The following PRKN variants were observed in gnomAD, a reference collection of about 807,000 sequenced individuals.
The protein encoded by PRKN is parkin RBR E3 ubiquitin protein ligase, also known as E3 ubiquitin-protein ligase parkin.
PRKN carries 56 observed loss-of-function variants against 59.5 expected under a neutral mutation model. The ratio of observed to expected loss-of-function variants is 0.94; its 90% CI spans 0.76 to 1.18. The LOEUF (loss-of-function observed/expected upper bound fraction) is 1.18. Ranked by LOEUF, PRKN falls within the 50% of genes most tolerant of loss-of-function variation. PRKN has a pLI of 0.00. For synonymous variants in PRKN, 250 were observed against 222.1 expected (o/e 1.13, Z -1.12); for missense variants, 657 against 596.4 (o/e 1.10, Z -1.06).
chr6:161,708,573 C>T (rs1046054900), intron 7 of PRKN, among the ~76,000 whole-genome samples: 2 of 151,894 alleles, frequency 1.3e-5, no homozygotes, highest in East Asian at 1.9e-4. Flanking sequence ...TTCACTTAAC[C>T]GTTCTTTCAA....
chr6:161,999,170 T>C lies in PRKN; in HGVS notation c.619-25753A>G, dbSNP rs1057213816. On this transcript the variant is annotated intron_variant, in intron 5 of 11. Transcript: ENST00000366898. The stretch of plus-strand genomic sequence containing the variant: ...CCCCTCTTCACACCTCTCAGAATCA[T>C]TGCCACAGTGAGCTATCAAGTCTCA... 3.9e-5 allele frequency among the ~76,000 whole-genome samples: 6 copies of C among 152,070 alleles called. No homozygotes were observed. In the South Asian group the frequency reaches 6.2e-4, roughly 16 times the overall value.
rs369412363 is a variant in PRKN, at chr6:161,824,963, C to T, written c.735-39055G>A. On this transcript the variant is annotated intron_variant, in intron 6 of 11. Transcript: ENST00000366898. ...ACTTGAAATGCTCTGCAATCTTACA[C>T]ACCAGAAATAATGGAAAATTATTAG... 6.6e-5 allele frequency among the ~76,000 whole-genome samples: 10 copies of T among 152,284 alleles called. 1 individual carries two copies. In the East Asian group the frequency reaches 1.3e-3, roughly 21 times the overall value.
intron 2 of PRKN, among the ~76,000 whole-genome samples, chr6:162,362,290 T>A (rs1583440993): frequency 6.6e-6 from 1 of 152,184 alleles, no homozygotes; most frequent in African/African-American, 2.4e-5. Context: ...GTAAAATATA[T>A]GTTTTGTATG....
intron 1 of PRKN, among the ~76,000 whole-genome samples, chr6:162,692,296 A>T (rs1777804542): frequency 6.6e-6 from 1 of 152,168 alleles, no homozygotes; most frequent in Non-Finnish European, 1.5e-5. Flanking sequence ...CAAACCACAC[A>T]CATTCTAAAG....
intron 6 of PRKN, among the ~76,000 whole-genome samples, chr6:161,859,483 T>C (rs182885122): frequency 4.3e-4 from 66 of 151,802 alleles, no homozygotes; most frequent in African/African-American, 1.5e-3. Context: ...CATGCCTGTA[T>C]GCCTGTAATC....
chr6:161,583,861 G>A (rs1781432993), intron 7 of PRKN, among the ~76,000 whole-genome samples: 2 of 152,142 alleles, frequency 1.3e-5, no homozygotes, highest in Admixed American at 6.5e-5. Context: ...GATCATATTG[G>A]TGTCAGTGAG....
At chr6:162,455,532 A>C (rs4709616) in intron 1 of PRKN, among the ~76,000 whole-genome samples, 39,424 of 152,012 alleles carry the variant, frequency 0.26, 5,246 homozygotes, top group African/African-American at 0.33. Flanking sequence ...AAGGTACAGT[A>C]AAAATATGGT....
intron 2 of PRKN, among the ~76,000 whole-genome samples, chr6:162,341,501 C>A (rs1784177698): frequency 6.6e-6 from 1 of 152,114 alleles, no homozygotes; most frequent in South Asian, 2.1e-4. Context: ...AGACTTGGAA[C>A]AAACCCAAAT....
chr6:161,857,960 G>A (rs371309066), intron 6 of PRKN, among the ~76,000 whole-genome samples: 3 of 152,300 alleles, frequency 2.0e-5, no homozygotes, highest in Non-Finnish European at 2.9e-5. Flanking sequence ...CAATTATCAC[G>A]TTGGTGCAAA....
intron 9 of PRKN, among the ~76,000 whole-genome samples, chr6:161,412,016 T>TTCCTCCAC (rs1562430147): frequency 2.9e-5 from 4 of 137,156 alleles, no homozygotes; most frequent in East Asian, 2.6e-4. Context: ...CCTCCACTCA[T>TTCCTCCAC]TCATTCACTC....
intron 7 of PRKN, among the ~76,000 whole-genome samples, chr6:161,716,482 T>C (rs187578995): frequency 1.3e-5 from 2 of 152,252 alleles, no homozygotes; most frequent in African/African-American, 4.8e-5. Flanking sequence ...GCTCTTACCG[T>C]CTCAGCCCTG....
intron 6 of PRKN, among the ~76,000 whole-genome samples, chr6:161,900,640 T>C (rs1269019608): frequency 9.8e-6 from 1 of 102,366 alleles, no homozygotes. Flanking sequence ...ATACTATATA[T>C]TATATATTAT....
At chr6:161,987,379 G>A (rs1390337103) in intron 5 of PRKN, among the ~76,000 whole-genome samples, 1 of 152,124 alleles carries the variant, frequency 6.6e-6, no homozygotes, top group East Asian at 1.9e-4. Context: ...GATGGGCGTA[G>A]ACATGTGTGC....
chr6:162,335,662 A>G (rs1337697301), intron 2 of PRKN, among the ~76,000 whole-genome samples: 1 of 152,184 alleles, frequency 6.6e-6, no homozygotes, highest in Non-Finnish European at 1.5e-5. Context: ...AATGTAATAA[A>G]CTTAATATAT....
rs375326718 is a variant in PRKN, at chr6:161,798,890, G to A, written c.735-12982C>T. Reference sequence around the variant, plus strand: ...CAGCCTGGGCCTCCCTGGGTCAGGCGCCCCTCCACTGTGCTCGGGGCTCCC... The same window carrying A: ...CAGCCTGGGCCTCCCTGGGTCAGGCACCCCTCCACTGTGCTCGGGGCTCCC... On this transcript the variant is annotated intron_variant, in intron 6 of 11. Coordinates refer to ENST00000366898, the MANE Select transcript of PRKN (RefSeq NM_004562.3). 1.4e-3 allele frequency among the ~76,000 whole-genome samples: 206 copies of A among 152,198 alleles called. 6 individuals are homozygous for A. The South Asian group carries it at 0.038, about 28-fold the overall frequency.
intron 6 of PRKN, among the ~76,000 whole-genome samples, chr6:161,879,322 G>C (rs1015962887): frequency 3.4e-5 from 5 of 149,220 alleles, no homozygotes; most frequent in African/African-American, 9.9e-5. Flanking sequence ...ATTCTGTATG[G>C]TCATTATGAC....
At chr6:162,021,271 T>C in intron 5 of PRKN, among the ~76,000 whole-genome samples, 1 of 105,918 alleles carries the variant, frequency 9.4e-6, no homozygotes, top group South Asian at 3.2e-4. Context: ...AACAGATAAT[T>C]AAACTATCAT....
chr6:162,589,678 A>C (rs13215748), intron 1 of PRKN, among the ~76,000 whole-genome samples: 15,572 of 152,230 alleles, frequency 0.1, 941 homozygotes, highest in Middle Eastern at 0.19. Flanking sequence ...CATAACAGCA[A>C]CATTTATATT....
rs374511378 is a variant in PRKN at position 162,690,479 on chromosome 6, A to C, written c.7+37183T>G. Among the ~76,000 whole-genome samples, 62 of 152,348 alleles carry C rather than the reference A, an allele frequency of 4.1e-4. 2 individuals are homozygous for C. The South Asian group carries it at 0.013, about 31-fold the overall frequency. ...GCATCAAGGGAAAGCGGTAGCTTTC[A>C]CTCATTAGCAAGACTGATATAAAAT... On this transcript the variant is annotated intron_variant, in intron 1 of 11. Coordinates refer to ENST00000366898, the MANE Select transcript of PRKN (RefSeq NM_004562.3).
Sources: gnomAD v4.1 joint callset for allele counts (sites outside exome capture counted in the v4.1 genomes callset) on GRCh38, gnomAD v4.1.1 for gene constraint, MANE v1.5 for transcripts, NCBI Gene and HGNC (gene_info 2026-07-23, HGNC 2026-07-21) for gene names.